The following DPY19L2 variants were observed in gnomAD, a reference collection of about 807,000 sequenced individuals.
DPY19L2 encodes probable C-mannosyltransferase DPY19L2.
In DPY19L2, 34 loss-of-function variants were observed where a neutral mutation model predicts 97.9. The ratio of observed to expected loss-of-function variants is 0.35; its 90% CI spans 0.26 to 0.46. The LOEUF is 0.46. DPY19L2 is among the 20% of genes least tolerant of loss of function. The pLI is 1.00. For missense variants in DPY19L2, 623 were observed against 911.4 expected, an observed-to-expected ratio of 0.68 and a Z score of 4.07; for synonymous variants, 230 against 307.9, an observed-to-expected ratio of 0.75 and a Z score of 2.65.
intron 20 of DPY19L2, 48 bp from the exon 21 acceptor site, chr12:63,569,397 A>G (rs779895843): frequency 7.3e-7 from 1 of 1,367,258 alleles, no homozygotes; most frequent in South Asian, 1.5e-5. Context: ...AAATGATAAT[A>G]GAATAGACTA....
intron 6 of DPY19L2, 95 bp from the exon 7 acceptor site, chr12:63,626,621 C>T: frequency 6.9e-7 from 1 of 1,458,512 alleles, no homozygotes. Flanking sequence ...TTTAAAATCA[C>T]AGTTTTCTAT....
rs1194923515 is a variant in DPY19L2 at position 63,594,178 on chromosome 12, C to T, written c.1534-45G>A. The T allele has an allele frequency of 2.2e-6, 3 of 1,342,962 alleles. No individual in the cohort carries two copies. The African/African-American group carries it at 4.4e-5, about 20-fold the overall frequency. The allele number at this position is 1,342,962 out of a possible 1,614,324, so 83.2% of individuals were successfully genotyped here. On this transcript the variant is annotated intron_variant, in intron 15 of 21. Coordinates refer to ENST00000324472, the MANE Select transcript of DPY19L2 (RefSeq NM_173812.5). ...AATGAAACTTTTGTAAGGAATACTG[C>T]AATATTTAAAATGCTCTGATTCATT...
At chr12:63,661,091 T>G (rs563673824) in intron 4 of DPY19L2, 33 of 241,638 alleles carry the variant, frequency 1.4e-4, no homozygotes, top group African/African-American at 6.5e-4. Context: ...TGACTCTCTT[T>G]TCCATTTGGC....
chr12:63,595,949 A>C lies in DPY19L2; in HGVS notation c.1533+17T>G. ...TATATTGATGCCAAAAACAAATAATAATTTGTTTAAAAATACCTTTTTAAA... is the reference window on the plus strand; with the variant it reads ...TATATTGATGCCAAAAACAAATAATCATTTGTTTAAAAATACCTTTTTAAA... On this transcript the variant is annotated intron_variant, in intron 15 of 21. Coordinates refer to ENST00000324472, the MANE Select transcript of DPY19L2 (RefSeq NM_173812.5). 6.5e-7 allele frequency: 1 copy of C among 1,541,548 alleles called. No individual in the cohort carries two copies. The highest frequency in any genetic ancestry group is 8.8e-7 in the Non-Finnish European group (1 of 1,136,242).
chr12:63,650,920 A>C (rs1894123610), intron 4 of DPY19L2, among the ~76,000 whole-genome samples: 2 of 152,192 alleles, frequency 1.3e-5, no homozygotes, highest in South Asian at 4.1e-4. Flanking sequence ...ACACATATGA[A>C]ACCAAAAAAT....
At chr12:63,594,755 C>T (rs897261858) in intron 15 of DPY19L2, among the ~76,000 whole-genome samples, 1 of 151,938 alleles carries the variant, frequency 6.6e-6, no homozygotes, top group Non-Finnish European at 1.5e-5. Flanking sequence ...AGTCTTGGAT[C>T]TTAATTTTTT....
chr12:63,654,695 G>GA (rs1894731096), intron 4 of DPY19L2, among the ~76,000 whole-genome samples: 2 of 151,962 alleles, frequency 1.3e-5, no homozygotes, highest in Admixed American at 1.3e-4. Context: ...GCCATTATCA[G>GA]AAAAAAGCAC....
Position 63,652,538 on chromosome 12 carries a change from T to C in DPY19L2, c.589-5173A>G, listed in dbSNP as rs528373095. Reference sequence around the variant, plus strand: ...GAATCAACCTAAATGCCATCAATAGTGGAACGGATAAAGAAAATGTGGTGG... The same window carrying C: ...GAATCAACCTAAATGCCATCAATAGCGGAACGGATAAAGAAAATGTGGTGG... On this transcript the variant is annotated intron_variant, in intron 4 of 21. Transcript: ENST00000324472. Among the ~76,000 whole-genome samples the C allele has an allele frequency of 4.6e-5, 7 of 152,214 alleles. No individual in the cohort carries two copies. In the South Asian group the frequency reaches 1.0e-3, roughly 23 times the overall value.
chr12:63,586,183 A>G (rs1470648958), intron 16 of DPY19L2, among the ~76,000 whole-genome samples: 1 of 152,204 alleles, frequency 6.6e-6, no homozygotes, highest in Non-Finnish European at 1.5e-5. Context: ...GCTCAATGCT[A>G]GAACACAAAG....
At chr12:63,607,033 C>T (rs1886152377) in intron 12 of DPY19L2, among the ~76,000 whole-genome samples, 1 of 151,962 alleles carries the variant, frequency 6.6e-6, no homozygotes, top group Admixed American at 6.6e-5. Context: ...AAAATAATAC[C>T]TAGGGAGGCT....
chr12:63,580,255 C>T (rs111926086), intron 19 of DPY19L2, among the ~76,000 whole-genome samples: 2,822 of 152,102 alleles, frequency 0.019, 78 homozygotes, highest in African/African-American at 0.064. Context: ...TGGTTAACTC[C>T]CCACCATCAA....
At chr12:63,597,075 C>G in intron 14 of DPY19L2, among the ~76,000 whole-genome samples, 1 of 151,930 alleles carries the variant, frequency 6.6e-6, no homozygotes, top group Admixed American at 6.6e-5. Context: ...AGGGTTCAAG[C>G]AATTCTCCTG....
At chr12:63,649,756 G>C (rs1893931847) in intron 4 of DPY19L2, among the ~76,000 whole-genome samples, 1 of 152,126 alleles carries the variant, frequency 6.6e-6, no homozygotes, top group South Asian at 2.1e-4. Context: ...CATAAAAGGA[G>C]AGCGGATACC....
chr12:63,632,012 CA>C (rs1890781404), intron 6 of DPY19L2, among the ~76,000 whole-genome samples: 1 of 152,104 alleles, frequency 6.6e-6, no homozygotes, highest in South Asian at 2.1e-4. Context: ...CAAAATTCAA[CA>C]ACCCCTCATG....
At chr12:63,648,469 C>T (rs1405868739) in intron 4 of DPY19L2, among the ~76,000 whole-genome samples, 1 of 151,740 alleles carries the variant, frequency 6.6e-6, no homozygotes, top group East Asian at 1.9e-4. Flanking sequence ...TCTTTTCACT[C>T]AGGCTGGAGT....
intron 15 of DPY19L2, 133 bp from the exon 16 acceptor site, chr12:63,594,266 G>A (rs1592488803): frequency 3.2e-6 from 2 of 632,502 alleles, no homozygotes; most frequent in East Asian, 6.9e-5. Context: ...CTCAGGAACA[G>A]GACGGTCATA....
intron 4 of DPY19L2, among the ~76,000 whole-genome samples, chr12:63,649,709 C>T (rs567499501): frequency 6.6e-6 from 1 of 152,134 alleles, no homozygotes; most frequent in Non-Finnish European, 1.5e-5. Flanking sequence ...CAGAAAAAGC[C>T]CTGGAACAGA....
intron 6 of DPY19L2, among the ~76,000 whole-genome samples, chr12:63,637,714 T>C (rs1891978269): frequency 2.0e-5 from 3 of 151,978 alleles, no homozygotes; most frequent in South Asian, 2.1e-4. Flanking sequence ...AGGCAATAAC[T>C]AATAGCCTAC....
At chr12:63,610,022 G>C (rs1466078546) in intron 11 of DPY19L2, among the ~76,000 whole-genome samples, 2 of 147,548 alleles carry the variant, frequency 1.4e-5, no homozygotes, top group Admixed American at 6.9e-5. Flanking sequence ...ATCCACAGTA[G>C]AACACTAGGA....
Sources: gnomAD v4.1 joint callset for allele counts (sites outside exome capture counted in the v4.1 genomes callset) on GRCh38, gnomAD v4.1.1 for gene constraint, MANE v1.5 for transcripts, NCBI Gene and HGNC (gene_info 2026-07-23, HGNC 2026-07-21) for gene names.